Variants in WFDC6 observed in about 807,000 individuals in gnomAD.
WFDC6 encodes the protein WAP four-disulfide core domain protein 6.
In WFDC6, 10 loss-of-function variants were observed where a neutral mutation model predicts 8.2. The observed-to-expected ratio is 1.22, with a 90% CI of 0.75 to 2.07. The LOEUF is 2.07. Among genes scored for constraint, WFDC6 ranks in the 30% most tolerant of loss-of-function variants. WFDC6 has a pLI of 0.00. For missense variants in WFDC6, 105 were observed against 104.9 expected, an observed-to-expected ratio of 1.00 and a Z score of 0.00; for synonymous variants, 28 against 37.0, an observed-to-expected ratio of 0.76 and a Z score of 0.88.
At chr20:45,538,969 A>G (rs1979478450) in intron 1 of WFDC6, among the ~76,000 whole-genome samples, 1 of 152,170 alleles carries the variant, frequency 6.6e-6, no homozygotes, top group South Asian at 2.1e-4. Flanking sequence ...CAATGAGAAC[A>G]TTTGGAAGTT....
In WFDC6 at chr20:45,537,620, T is replaced by C. The variant is rs180875943; in HGVS notation, c.222+344A>G. ...ATAGCTATCATATAACCTGACACAATGTTGGCATTTGATGAGACTTTGGTG... is the reference window on the plus strand; with the variant it reads ...ATAGCTATCATATAACCTGACACAACGTTGGCATTTGATGAGACTTTGGTG... On this transcript the variant is annotated intron_variant, in intron 2 of 2. Transcript: ENST00000372670. 1.4e-5 allele frequency: 21 copies of C among 1,475,194 alleles called. No homozygotes were observed. In the African/African-American group the frequency reaches 2.8e-4, roughly 20 times the overall value. The allele number at this position is 1,475,194 out of a possible 1,614,324, so 91.4% of individuals were successfully genotyped here.
At chr20:45,539,066 G>A (rs922769505) in intron 1 of WFDC6, among the ~76,000 whole-genome samples, 5 of 152,072 alleles carry the variant, frequency 3.3e-5, no homozygotes, top group African/African-American at 1.2e-4. Context: ...CATTTCATGA[G>A]CTCTAGGTCC....
chr20:45,537,680 C>A, intron 2 of WFDC6: 1 of 1,161,280 alleles, frequency 8.6e-7, no homozygotes, highest in Non-Finnish European at 1.3e-6. Flanking sequence ...TGAAGAGTAG[C>A]CAAGAGACCA....
chr20:45,538,136 G>T (rs1373410969), intron 1 of WFDC6, 42 bp from the exon 2 acceptor site: 3 of 1,612,658 alleles, frequency 1.9e-6, no homozygotes, highest in African/African-American at 1.3e-5. Context: ...CCTTAAAGGA[G>T]CCAGTGCTCC....
chr20:45,534,910 C>A (rs1440010210), intron 2 of WFDC6, among the ~76,000 whole-genome samples: 1 of 152,220 alleles, frequency 6.6e-6, no homozygotes, highest in East Asian at 1.9e-4. Context: ...TTCCGTCTGA[C>A]CTGGTCTGGG....
rs1979490521 is a variant in WFDC6, at chr20:45,539,258, T to C, written c.91+59A>G. ...TCTCAGCTGCAAAATTATTCTTTGT[T>C]CCTTCCTCCCCACTGAGTTTCCTTT... On this transcript the variant is annotated intron_variant, in intron 1 of 2. Coordinates refer to ENST00000372670, the MANE Select transcript of WFDC6 (RefSeq NM_080827.2). 4.6e-6 allele frequency: 7 copies of C among 1,516,000 alleles called. No individual in the cohort carries two copies. The East Asian group carries it at 1.6e-4, about 34-fold the overall frequency. 93.9% of individuals were successfully genotyped at this position (1,516,000 alleles called of 1,614,324 possible). A position where few individuals can be genotyped will look rare whatever the true frequency, so the allele number is the denominator to read the frequency against.
rs1346545084 is a variant in WFDC6 at position 45,534,645 on chromosome 20, T to C, written c.223-140A>G. The C allele has an allele frequency of 7.3e-6, 7 of 965,140 alleles. No individual in the cohort carries two copies. The Admixed American group carries it at 1.5e-4, about 20-fold the overall frequency. The allele number at this position is 965,140 out of a possible 1,614,324, so 59.8% of individuals were successfully genotyped here. A position where few individuals can be genotyped will look rare whatever the true frequency, so the allele number is the denominator to read the frequency against. Reference sequence around the variant, plus strand: ...ATGGAATGAAGGTGAGTTTGGGGGCTCCTAGAATGATCATGAGTTCTGACT... The same window carrying C: ...ATGGAATGAAGGTGAGTTTGGGGGCCCCTAGAATGATCATGAGTTCTGACT... On this transcript the variant is annotated intron_variant, in intron 2 of 2. Transcript: ENST00000372670.
chr20:45,537,213 A>G (rs16990345), intron 2 of WFDC6: 11,773 of 366,112 alleles, frequency 0.032, 602 homozygotes, highest in African/African-American at 0.12. Context: ...GCCTTTCTAG[A>G]CCTGAACATC....
intron 2 of WFDC6, chr20:45,537,676 G>A (rs1979419286): frequency 2.6e-6 from 3 of 1,168,614 alleles, no homozygotes; most frequent in Non-Finnish European, 3.7e-6. Context: ...TCACTGAAGA[G>A]TAGCCAAGAG....
At chr20:45,534,758 T>C (rs1244332821) in intron 2 of WFDC6, among the ~76,000 whole-genome samples, 1 of 152,186 alleles carries the variant, frequency 6.6e-6, no homozygotes, top group Non-Finnish European at 1.5e-5. Flanking sequence ...AGTGATTTGG[T>C]TTGGCCAATA....
chr20:45,536,506 T>C (rs989367820), intron 2 of WFDC6, among the ~76,000 whole-genome samples: 2 of 152,224 alleles, frequency 1.3e-5, no homozygotes, highest in East Asian at 1.9e-4. Context: ...GTTCTCATTA[T>C]GCAGATGAGA....
intron 2 of WFDC6, 149 bp downstream of exon 2, chr20:45,537,815 C>A: frequency 1.4e-6 from 2 of 1,449,854 alleles, no homozygotes; most frequent in African/African-American, 1.4e-5. Flanking sequence ...TCTCCCAAGT[C>A]CAGGACTGGC....
chr20:45,538,232 G>A, intron 1 of WFDC6, 138 bp from the exon 2 acceptor site: 1 of 1,470,522 alleles, frequency 6.8e-7, no homozygotes, highest in Non-Finnish European at 9.1e-7. Flanking sequence ...GCCCTCAGGG[G>A]GCTCAGGAAT....
Position 45,539,415 on chromosome 20 carries a change from A to G in WFDC6, c.-8T>C, listed in dbSNP as rs777590860. On this transcript the variant is annotated 5_prime_UTR_variant, in exon 1 of 3. Coordinates refer to ENST00000372670, the MANE Select transcript of WFDC6 (RefSeq NM_080827.2). ...AAGTCCTGAGAGTCCCATTTTAGGA[A>G]GTACTGGCCTGGTTGATGGCACCAA... 1.1e-5 allele frequency: 17 copies of G among 1,613,186 alleles called. No individual in the cohort carries two copies. The highest frequency in any genetic ancestry group is 1.7e-5 in the Admixed American group (1 of 59,978).
Position 45,538,091 on chromosome 20 carries a change from G to A in WFDC6, c.95C>T (p.Pro32Leu), listed in dbSNP as rs367968136. 2.2e-5 allele frequency: 35 copies of A among 1,613,664 alleles called. No homozygotes were observed. Among genetic ancestry groups the A allele is most frequent in the African/African-American group, 5.3e-5 (4 of 74,840 alleles). ...GCATTCCACTTTGATTTTGGGACAC[G>A]GCTCTAAGGGAGGGGAAGATATATT... ...PGHAEGILGK[P>L]CPKIKVECEV... is the part of the protein sequence containing the mutation. The change falls in exon 2 of 3, where the codon CCG becomes CTG. Residue 32 changes from proline (P) to leucine (L), a missense_variant. Coordinates refer to ENST00000372670, the MANE Select transcript of WFDC6 (RefSeq NM_080827.2).
chr20:45,535,101 C>T, intron 2 of WFDC6: 1 of 1,266,820 alleles, frequency 7.9e-7, no homozygotes, highest in Non-Finnish European at 1.0e-6. Flanking sequence ...GACCAGCCAA[C>T]ACCCAGACCT....
intron 1 of WFDC6, among the ~76,000 whole-genome samples, chr20:45,538,328 A>G (rs1405922826): frequency 6.6e-6 from 1 of 152,114 alleles, no homozygotes; most frequent in Non-Finnish European, 1.5e-5. Context: ...CGCACCATCT[A>G]TGAGATTCCT....
chr20:45,537,270 A>G, intron 2 of WFDC6: 1 of 521,238 alleles, frequency 1.9e-6, no homozygotes, highest in South Asian at 2.3e-5. Flanking sequence ...TCTGGCCTGA[A>G]AGGCTATTTC....
At chr20:45,537,835 T>C (rs1979424118) in intron 2 of WFDC6, 129 bp downstream of exon 2, 2 of 1,518,824 alleles carry the variant, frequency 1.3e-6, no homozygotes, top group South Asian at 2.6e-5. Flanking sequence ...CAGATTTGTG[T>C]CAAGTAGAAG....
Sources: allele counts gnomAD v4.1 joint callset (sites outside exome capture counted in the v4.1 genomes callset), GRCh38; gene constraint gnomAD v4.1.1; transcripts MANE v1.5; gene names NCBI Gene and HGNC (gene_info 2026-07-23, HGNC 2026-07-21).